The following ARFGEF3 variants were observed in gnomAD, a reference collection of about 807,000 sequenced individuals.
ARFGEF3 encodes ARFGEF family member 3, also known as brefeldin A-inhibited guanine nucleotide-exchange protein 3.
A neutral mutation model predicts 221.7 loss-of-function variants in ARFGEF3; 96 were observed. The observed-to-expected ratio is 0.43, with a 90% CI of 0.37 to 0.51. The LOEUF (loss-of-function observed/expected upper bound fraction) is 0.51. ARFGEF3 is among the 20% of genes least tolerant of loss of function. The pLI is 0.00. For missense variants in ARFGEF3, 2,410 were observed against 2,789.9 expected (o/e 0.86, Z 3.07); for synonymous variants, 1,145 against 1,126.8 (o/e 1.02, Z -0.32).
At chr6:138,204,817 A>C (rs1276023995) in intron 2 of ARFGEF3, among the ~76,000 whole-genome samples, 1 of 152,220 alleles carries the variant, frequency 6.6e-6, no homozygotes, top group Non-Finnish European at 1.5e-5. Flanking sequence ...GTGTGATTCC[A>C]CAGCCCATGT....
intron 2 of ARFGEF3, among the ~76,000 whole-genome samples, chr6:138,175,618 A>G (rs1776930361): frequency 6.6e-6 from 1 of 152,248 alleles, no homozygotes; most frequent in East Asian, 1.9e-4. Flanking sequence ...TACAGTTGCC[A>G]CTGATAGTCA....
chr6:138,291,648 T>C lies in ARFGEF3; in HGVS notation c.3048-85T>C. 1 of 1,006,210 alleles carries C rather than the reference T, an allele frequency of 9.9e-7. No homozygotes were observed. 62.3% of individuals were successfully genotyped at this position (1,006,210 alleles called of 1,614,324 possible). ...TGGGGAGCTTGCAGAGCTGGCTGCA[T>C]TTCCTTTGTCTGGCACTGTGGGGTT... On this transcript the variant is annotated intron_variant, in intron 18 of 33. Coordinates refer to ENST00000251691, the MANE Select transcript of ARFGEF3 (RefSeq NM_020340.5). The surrounding 1 kb of genome is among the most constrained non-coding windows in gnomAD (Gnocchi z 4.5).
intron 24 of ARFGEF3, among the ~76,000 whole-genome samples, chr6:138,309,124 T>C (rs1380069383): frequency 1.3e-5 from 2 of 152,220 alleles, no homozygotes; most frequent in Non-Finnish European, 2.9e-5. Context: ...ATACTAACTT[T>C]ATTGTCAAAG....
intron 20 of ARFGEF3, 151 bp from the exon 21 acceptor site, chr6:138,296,659 C>T: frequency 1.1e-6 from 1 of 890,188 alleles, no homozygotes; most frequent in South Asian, 1.6e-5. Flanking sequence ...CCACATCCTT[C>T]TTGAATCCAG....
chr6:138,217,066 C>T (rs1467048360), intron 4 of ARFGEF3: 1 of 152,210 alleles, frequency 6.6e-6, no homozygotes. Context: ...AAGTAATGAA[C>T]AAACATTGAA....
At chr6:138,243,054 G>A (rs1778423286) in intron 7 of ARFGEF3, 60 bp downstream of exon 7, 1 of 1,302,514 alleles carries the variant, frequency 7.7e-7, no homozygotes, top group Non-Finnish European at 1.1e-6. Flanking sequence ...TGCCTACTGT[G>A]TGCTTGGAGT....
chr6:138,223,897 C>T (rs965428788), intron 4 of ARFGEF3, among the ~76,000 whole-genome samples: 1 of 152,200 alleles, frequency 6.6e-6, no homozygotes, highest in Non-Finnish European at 1.5e-5. Flanking sequence ...TTATGACCAT[C>T]TTCATACCAG....
At chr6:138,253,576 A>G (rs151236547) in intron 8 of ARFGEF3, among the ~76,000 whole-genome samples, 272 of 152,166 alleles carry the variant, frequency 1.8e-3, no homozygotes, top group African/African-American at 6.3e-3. Context: ...TCTGTGTCCA[A>G]ATTTCCATTT....
intron 12 of ARFGEF3, among the ~76,000 whole-genome samples, chr6:138,276,756 C>T (rs888018666): frequency 3.9e-5 from 6 of 152,154 alleles, no homozygotes; most frequent in African/African-American, 1.4e-4. Context: ...GCCTCCGCCT[C>T]CCGGGTTCCA....
chr6:138,277,378 C>T (rs1043068600), intron 12 of ARFGEF3, among the ~76,000 whole-genome samples: 5 of 152,270 alleles, frequency 3.3e-5, no homozygotes, highest in East Asian at 3.9e-4. Flanking sequence ...TGTTGATGGG[C>T]GCTTCAGTTG....
rs564758813 is a variant in ARFGEF3 at position 138,287,522 on chromosome 6, G to A, written c.2896+338G>A. Among the ~76,000 whole-genome samples, 38 of 152,312 alleles carry A rather than the reference G, an allele frequency of 2.5e-4. 1 individual carries two copies. Among genetic ancestry groups the A allele is most frequent in the South Asian group, 6.2e-4 (3 of 4,822 alleles). ...ACAAGTGCACACTTGAAGACCCTTCGGGTTATAGTGGGGAAGGCAGATTGG... is the reference window on the plus strand; with the variant it reads ...ACAAGTGCACACTTGAAGACCCTTCAGGTTATAGTGGGGAAGGCAGATTGG... On this transcript the variant is annotated intron_variant, in intron 17 of 33. Coordinates refer to ENST00000251691, the MANE Select transcript of ARFGEF3 (RefSeq NM_020340.5).
chr6:138,326,442 C>G (rs1780127708), intron 31 of ARFGEF3, among the ~76,000 whole-genome samples: 1 of 151,982 alleles, frequency 6.6e-6, no homozygotes, highest in African/African-American at 2.4e-5. Flanking sequence ...GAAAACAACT[C>G]CATTAAAAAG....
chr6:138,277,365 A>G (rs6934774), intron 12 of ARFGEF3, among the ~76,000 whole-genome samples: 2,077 of 152,306 alleles, frequency 0.014, 35 homozygotes, highest in African/African-American at 0.043. Context: ...TTATCCATTC[A>G]TCTGTTGATG....
chr6:138,308,221 G>A (rs1224878717), intron 23 of ARFGEF3, among the ~76,000 whole-genome samples: 6 of 152,134 alleles, frequency 3.9e-5, no homozygotes, highest in Non-Finnish European at 5.9e-5. Flanking sequence ...AACAGTCTAG[G>A]CACGGTGAAC....
In ARFGEF3 at chr6:138,214,789, T is replaced by TA. The variant is rs961294834; in HGVS notation, c.351+4756dup. On this transcript the variant is annotated intron_variant, in intron 4 of 33. Transcript: ENST00000251691. ...GAAAGAAGACTTTCAATCAGAGGGT[T>TA]AAAAAAAATCAGTGAAGCCTGCTTC... Among the ~76,000 whole-genome samples, 30 of 152,080 alleles carry TA rather than the reference T, an allele frequency of 2.0e-4. 1 individual carries two copies. The highest frequency in any genetic ancestry group is 2.0e-4 in the Admixed American group (3 of 15,258).
At chr6:138,245,411 A>G (rs1055924205) in intron 7 of ARFGEF3, 102 bp from the exon 8 acceptor site, 8 of 768,246 alleles carry the variant, frequency 1.0e-5, no homozygotes, top group Non-Finnish European at 1.8e-5. Flanking sequence ...TCATCTTTTC[A>G]GTCTCAAAAA....
intron 14 of ARFGEF3, among the ~76,000 whole-genome samples, chr6:138,282,885 C>A (rs1185942409): frequency 6.6e-6 from 1 of 151,486 alleles, no homozygotes. Context: ...CCCATCTCTA[C>A]AAAAAAAATA....
chr6:138,191,419 TAGA>T (rs2114468241), intron 2 of ARFGEF3, among the ~76,000 whole-genome samples: 1 of 152,286 alleles, frequency 6.6e-6, no homozygotes, highest in African/African-American at 2.4e-5. Context: ...GGACATATCT[TAGA>T]AGGACAGCCT....
chr6:138,199,538 G>A (rs1372178467), intron 2 of ARFGEF3, among the ~76,000 whole-genome samples: 7 of 152,108 alleles, frequency 4.6e-5, no homozygotes, highest in Admixed American at 1.3e-4. Context: ...TGTTTGTGTC[G>A]TCTATGATTT....
Sources: allele counts gnomAD v4.1 joint callset (sites outside exome capture counted in the v4.1 genomes callset), GRCh38; gene constraint gnomAD v4.1.1; non-coding constraint Gnocchi (gnomAD v3.1); transcripts MANE v1.5; gene names NCBI Gene and HGNC (gene_info 2026-07-23, HGNC 2026-07-21).